ZNF226: variants seen among roughly 807,000 people sequenced by gnomAD.
ZNF226 encodes zinc finger protein 226.
ZNF226 carries 6 observed loss-of-function variants against 11.4 expected under a neutral mutation model. The ratio of observed to expected loss-of-function variants is 0.53; its 90% CI spans 0.29 to 1.04. The LOEUF is 1.04. Ranked by LOEUF, ZNF226 falls within the 50% of genes least tolerant of loss-of-function variation. ZNF226 has a pLI of 0.08. For missense variants in ZNF226, 1,058 were observed against 956.5 expected, an observed-to-expected ratio of 1.11 and a Z score of -1.40; for synonymous variants, 350 against 322.8, an observed-to-expected ratio of 1.08 and a Z score of -0.90.
At chr19:44,184,528 G>A in the ZNF226 span, among the ~76,000 whole-genome samples, 1 of 151,762 alleles carries the variant, frequency 6.6e-6, no homozygotes, top group African/African-American at 2.4e-5. Context: ...GTTGCAGTGA[G>A]CCGAGATTGC....
chr19:44,182,473 A>G (rs997919669), downstream of ZNF226, among the ~76,000 whole-genome samples: 2 of 152,252 alleles, frequency 1.3e-5, no homozygotes, highest in African/African-American at 4.8e-5. Context: ...AACCAGTGTT[A>G]TAGAACATAT....
downstream of ZNF226, among the ~76,000 whole-genome samples, chr19:44,182,709 A>G (rs1051503396): frequency 1.1e-4 from 16 of 152,270 alleles, no homozygotes; most frequent in East Asian, 7.7e-4. Context: ...AAAAAATTCA[A>G]TGAGGATGAT....
In ZNF226 at chr19:44,172,899, G is replaced by T. The variant is rs750306740; in HGVS notation, c.182G>T (p.Arg61Ile). Residue 61 changes from arginine to isoleucine, a missense_variant, in exon 5 of 6, where the codon AGA becomes ATA. Arg to Ile is a moderately conservative substitution (Grantham distance 97). Transcript: ENST00000337433. ...PFKQDVSPIE[R>I]NEQLWIMTTA... is the part of the protein sequence containing the mutation. ...AAACAAGATGTATCACCTATAGAAA[G>T]AAATGAGCAGCTTTGGATAATGACG... 2 of 1,606,376 alleles carry T rather than the reference G, an allele frequency of 1.2e-6. No individual in the cohort carries two copies. Among genetic ancestry groups the T allele is most frequent in the Non-Finnish European group, 8.5e-7 (1 of 1,176,380 alleles).
At position 44,166,108 on chromosome 19, in the gene ZNF226, G is replaced by A. The variant is rs114484775; in HGVS notation, c.-47+301G>A. On this transcript the variant is annotated intron_variant, in intron 2 of 5. Coordinates refer to ENST00000337433, the MANE Select transcript of ZNF226 (RefSeq NM_001032373.2). ...TCTAGACCTGAGTCTTCTTTGGTAT[G>A]TTCTGCATGAGCCATAGGCAGCTGG... Among the ~76,000 whole-genome samples, 1,348 of 152,310 alleles carry A rather than the reference G, an allele frequency of 8.9e-3. 18 individuals carry two copies. The highest frequency in any genetic ancestry group is 0.031 in the African/African-American group (1,288 of 41,568).
the ZNF226 span, among the ~76,000 whole-genome samples, chr19:44,198,019 A>G: frequency 6.6e-6 from 1 of 152,180 alleles, no homozygotes; most frequent in Non-Finnish European, 1.5e-5. Context: ...GGGATGTGCT[A>G]AAGGTCAAGA....
At chr19:44,197,614 A>G in the ZNF226 span, among the ~76,000 whole-genome samples, 1 of 152,180 alleles carries the variant, frequency 6.6e-6, no homozygotes, top group Non-Finnish European at 1.5e-5. Flanking sequence ...TGCTGTAATG[A>G]CTAATGAAGT....
Position 44,176,437 on chromosome 19 carries a change from A to C in ZNF226, c.1175A>C (p.Lys392Thr), listed in dbSNP as rs540717109. ...CTCCACACTGGGGAGAAGCCATTCAAATGTGATGCATGTGGTAAGAGCTTC... is the reference window on the plus strand; with the variant it reads ...CTCCACACTGGGGAGAAGCCATTCACATGTGATGCATGTGGTAAGAGCTTC... ...QRLHTGEKPF[K>T]CDACGKSFSR... The change falls in exon 6 of 6, where the codon AAA becomes ACA. Residue 392 changes from lysine (K) to threonine (T), a missense_variant. Physicochemically the swap from Lys to Thr is moderately conservative, Grantham distance 78. Transcript: ENST00000337433. 2 of 1,614,000 alleles carry C rather than the reference A, an allele frequency of 1.2e-6. No individual in the cohort carries two copies. The highest frequency in any genetic ancestry group is 2.7e-5 in the African/African-American group (2 of 74,902).
the ZNF226 span, among the ~76,000 whole-genome samples, chr19:44,189,846 T>C: frequency 7.9e-5 from 12 of 152,236 alleles, no homozygotes; most frequent in Non-Finnish European, 1.3e-4. Context: ...TCTCTCGTTA[T>C]AGCATCGGGT....
rs780404010 is a variant in ZNF226 at position 44,175,798 on chromosome 19, C to G, written c.536C>G (p.Thr179Ser). Residue 179 changes from threonine (T) to serine (S), a missense_variant, in exon 6 of 6, where the codon ACT (threonine) becomes AGT (serine). Transcript: ENST00000337433. ...TQDSWRKTFL[T>S]ESQRLNRDQQ... ...GATTCTTGGAGGAAAACATTCCTGA[C>G]TGAGTCACAGAGATTGAACAGAGAT... The G allele has an allele frequency of 7.4e-6, 12 of 1,613,560 alleles. No homozygotes were observed. Among genetic ancestry groups the G allele is most frequent in the Non-Finnish European group, 9.3e-6 (11 of 1,179,810 alleles).
chr19:44,189,053 C>A, the ZNF226 span, among the ~76,000 whole-genome samples: 1 of 152,106 alleles, frequency 6.6e-6, no homozygotes, highest in Non-Finnish European at 1.5e-5. Context: ...ATTTGAGCAA[C>A]AATGGAGGTT....
chr19:44,174,143 G>A (rs1970437267), intron 5 of ZNF226: 1 of 148,748 alleles, frequency 6.7e-6, no homozygotes, highest in South Asian at 2.1e-4. Context: ...TTCTCTTTGT[G>A]TGTGTGTGTG....
downstream of ZNF226, among the ~76,000 whole-genome samples, chr19:44,178,901 TG>T (rs1215482119): frequency 5.3e-5 from 8 of 152,170 alleles, no homozygotes; most frequent in Non-Finnish European, 1.0e-4. Context: ...CATCACAGGC[TG>T]GGTGTGATGG....
the ZNF226 span, among the ~76,000 whole-genome samples, chr19:44,197,334 A>T: frequency 6.6e-6 from 1 of 152,246 alleles, no homozygotes; most frequent in African/African-American, 2.4e-5. Flanking sequence ...TTACACTCTT[A>T]CAAGGACCGT....
intron 2 of ZNF226, among the ~76,000 whole-genome samples, chr19:44,169,197 A>G (rs1302045657): frequency 1.3e-5 from 2 of 151,876 alleles, no homozygotes; most frequent in Non-Finnish European, 2.9e-5. Context: ...TAGTAAAGAC[A>G]GGGTTTCATC....
intron 2 of ZNF226, among the ~76,000 whole-genome samples, chr19:44,169,228 C>T (rs1255991893): frequency 6.6e-6 from 1 of 151,954 alleles, no homozygotes; most frequent in Non-Finnish European, 1.5e-5. Flanking sequence ...GGCTTGTCTT[C>T]AACTCCTGAC....
the ZNF226 span, among the ~76,000 whole-genome samples, chr19:44,198,398 C>G: frequency 3.3e-5 from 5 of 152,136 alleles, no homozygotes; most frequent in Admixed American, 1.3e-4. Context: ...AGCTTTACAA[C>G]ATTGAATTGT....
chr19:44,165,525 G>A (rs970508485), intron 1 of ZNF226: 2 of 152,108 alleles, frequency 1.3e-5, no homozygotes, highest in Non-Finnish European at 2.9e-5. Context: ...AGAAAACGAG[G>A]TAATACAAAA....
chr19:44,191,573 G>T, the ZNF226 span, among the ~76,000 whole-genome samples: 125 of 152,174 alleles, frequency 8.2e-4, 1 homozygote, highest in African/African-American at 2.8e-3. Flanking sequence ...GGCCCAACTG[G>T]AAAATCTCTC....
chr19:44,167,629 T>A (rs997102543), intron 2 of ZNF226, among the ~76,000 whole-genome samples: 6 of 152,270 alleles, frequency 3.9e-5, no homozygotes, highest in Non-Finnish European at 7.4e-5. Flanking sequence ...CAACTTTTTT[T>A]AAAAATATAA....
Sources: gnomAD v4.1 joint callset for allele counts (sites outside exome capture counted in the v4.1 genomes callset) on GRCh38, gnomAD v4.1.1 for gene constraint, MANE v1.5 for transcripts, NCBI Gene and HGNC (gene_info 2026-07-23, HGNC 2026-07-21) for gene names.